Variants in OPCML observed in about 807,000 individuals in gnomAD.
OPCML encodes the protein opioid-binding protein/cell adhesion molecule.
In OPCML, 13 loss-of-function variants were observed where a neutral mutation model predicts 37.8. The observed-to-expected ratio is 0.34, with a 90% CI of 0.22 to 0.55. The LOEUF (loss-of-function observed/expected upper bound fraction) is 0.55, where lower values mean the gene tolerates loss of function less well. Ranked by LOEUF, OPCML falls within the 20% of genes least tolerant of loss-of-function variation. OPCML has a pLI of 0.91. For missense variants in OPCML, 341 were observed against 435.6 expected, an observed-to-expected ratio of 0.78 and a Z score of 1.93; for synonymous variants, 176 against 168.8, an observed-to-expected ratio of 1.04 and a Z score of -0.33.
intron 1 of OPCML, among the ~76,000 whole-genome samples, chr11:133,053,612 C>T (rs149959437): frequency 4.6e-5 from 7 of 152,334 alleles, no homozygotes; most frequent in Middle Eastern, 6.8e-3. Context: ...CCTTTTAGCA[C>T]AGATGACTCC....
At chr11:132,884,739 A>G (rs1325382438) in intron 2 of OPCML, among the ~76,000 whole-genome samples, 1 of 152,224 alleles carries the variant, frequency 6.6e-6, no homozygotes, top group Non-Finnish European at 1.5e-5. Flanking sequence ...GATAGGTGCC[A>G]CACAAATAAT....
intron 3 of OPCML, among the ~76,000 whole-genome samples, chr11:132,574,503 A>C (rs1191443716): frequency 1.3e-5 from 2 of 151,626 alleles, no homozygotes; most frequent in African/African-American, 2.4e-5. Flanking sequence ...TTTTTTAAAA[A>C]ATTCTTCTTT....
intron 4 of OPCML, among the ~76,000 whole-genome samples, chr11:132,441,476 A>C (rs1186707540): frequency 6.6e-6 from 1 of 152,116 alleles, no homozygotes; most frequent in Non-Finnish European, 1.5e-5. Flanking sequence ...CCCACCAAGG[A>C]CTTTTTTAAA....
intron 1 of OPCML, among the ~76,000 whole-genome samples, chr11:133,013,950 C>T (rs1947268320): frequency 6.6e-6 from 1 of 152,182 alleles, no homozygotes; most frequent in African/African-American, 2.4e-5. Flanking sequence ...CCTCTATTTG[C>T]TTAAAAGTAG....
At chr11:133,223,719 G>GCTTGT (rs1454606979) in intron 1 of OPCML, among the ~76,000 whole-genome samples, 1 of 152,166 alleles carries the variant, frequency 6.6e-6, no homozygotes, top group Non-Finnish European at 1.5e-5. Flanking sequence ...GTTTTGTTTT[G>GCTTGT]TTTGTTTTGT....
At chr11:132,555,819 T>C (rs1293276968) in intron 3 of OPCML, among the ~76,000 whole-genome samples, 1 of 152,162 alleles carries the variant, frequency 6.6e-6, no homozygotes, top group East Asian at 1.9e-4. Flanking sequence ...ATGAACTCTG[T>C]ACCTGTGTGT....
At chr11:132,901,054 CCTGTAGCCCCAGCTA>C (rs1345416525) in intron 2 of OPCML, among the ~76,000 whole-genome samples, 1 of 152,076 alleles carries the variant, frequency 6.6e-6, no homozygotes, top group Non-Finnish European at 1.5e-5. Context: ...GTGGTGCACA[CCTGTAGCCCCAGCTA>C]CTTGGGAAGC....
At chr11:133,217,313 C>G (rs1456232002) in intron 1 of OPCML, among the ~76,000 whole-genome samples, 3 of 152,222 alleles carry the variant, frequency 2.0e-5, no homozygotes, top group Non-Finnish European at 4.4e-5. Context: ...ACTCATCATT[C>G]TCACCCGTTC....
chr11:132,536,413 T>C (rs938700720), intron 3 of OPCML, among the ~76,000 whole-genome samples: 8 of 152,226 alleles, frequency 5.3e-5, no homozygotes, highest in African/African-American at 1.7e-4. Flanking sequence ...AAGTTTCAGC[T>C]TCCTCTACTG....
At chr11:133,282,361 T>C (rs1942182173) in intron 1 of OPCML, among the ~76,000 whole-genome samples, 1 of 152,208 alleles carries the variant, frequency 6.6e-6, no homozygotes. Flanking sequence ...CTCTGACCAC[T>C]ACTCCAGAGA....
rs1422531781 is a variant in OPCML, at chr11:133,208,348, T to C, written c.62-265338A>G. 1.3e-5 allele frequency among the ~76,000 whole-genome samples: 2 copies of C among 152,180 alleles called. No individual in the cohort carries two copies. Among genetic ancestry groups the C allele is most frequent in the East Asian group, 1.9e-4 (1 of 5,194 alleles). The stretch of plus-strand genomic sequence containing the variant: ...GTGTGTTCTACTACATTCAGTATCA[T>C]TGTCGAGGGGCAGCTGGGGCATGGT... On this transcript the variant is annotated intron_variant, in intron 1 of 7. Transcript: ENST00000524381. This position sits in a 1 kb window ranked among gnomAD's most constrained non-coding sequence, Gnocchi z 8.9.
chr11:133,248,881 C>A (rs144041431), intron 1 of OPCML, among the ~76,000 whole-genome samples: 1 of 151,996 alleles, frequency 6.6e-6, no homozygotes, highest in Non-Finnish European at 1.5e-5. Flanking sequence ...ACTACTGAGG[C>A]GAAGTGAAGG....
intron 1 of OPCML, among the ~76,000 whole-genome samples, chr11:132,986,909 A>G (rs921783157): frequency 1.4e-4 from 22 of 152,264 alleles, no homozygotes; most frequent in Middle Eastern, 3.4e-3. Context: ...AAAAAGTTGA[A>G]CGTTTTAATG....
At chr11:133,505,346 G>A (rs1215688222) in intron 1 of OPCML, among the ~76,000 whole-genome samples, 4 of 152,192 alleles carry the variant, frequency 2.6e-5, no homozygotes, top group African/African-American at 9.7e-5. Flanking sequence ...CAAAAGGTGA[G>A]CCTGGCTACC....
intron 4 of OPCML, among the ~76,000 whole-genome samples, chr11:132,446,038 T>C (rs1485883658): frequency 6.7e-6 from 1 of 148,666 alleles, no homozygotes; most frequent in East Asian, 2.0e-4. Flanking sequence ...ACGAAGAGCA[T>C]GAAGACAAGA....
intron 1 of OPCML, among the ~76,000 whole-genome samples, chr11:133,113,785 G>A (rs186366455): frequency 3.9e-4 from 59 of 152,308 alleles, no homozygotes; most frequent in African/African-American, 8.2e-4. Context: ...TTTCCCCACA[G>A]TGTGAATAAG....
intron 1 of OPCML, among the ~76,000 whole-genome samples, chr11:133,037,338 T>C (rs1947800998): frequency 6.6e-6 from 1 of 152,160 alleles, no homozygotes; most frequent in Non-Finnish European, 1.5e-5. Context: ...CTCAAAACTT[T>C]CTTTATCTTG....
chr11:133,065,286 G>A (rs943776105), intron 1 of OPCML: 7 of 152,266 alleles, frequency 4.6e-5, no homozygotes, highest in African/African-American at 1.7e-4. Context: ...GCCCACCAAG[G>A]GAACAAGGTC....
At chr11:132,631,999 A>T (rs1443258550) in intron 3 of OPCML, among the ~76,000 whole-genome samples, 1 of 152,086 alleles carries the variant, frequency 6.6e-6, no homozygotes, top group African/African-American at 2.4e-5. Context: ...CCAGGTTTTC[A>T]GCTGGGTAAC....
Sources: gnomAD v4.1 joint callset for allele counts (sites outside exome capture counted in the v4.1 genomes callset) on GRCh38, gnomAD v4.1.1 for gene constraint, Gnocchi (gnomAD v3.1) non-coding constraint, MANE v1.5 for transcripts, NCBI Gene and HGNC (gene_info 2026-07-23, HGNC 2026-07-21) for gene names.